The following DIP2A variants were observed in gnomAD, a reference collection of about 807,000 sequenced individuals.
DIP2A encodes the protein disco-interacting protein 2 homolog A.
A neutral mutation model predicts 177.4 loss-of-function variants in DIP2A; 85 were observed. That is an observed-to-expected ratio of 0.48 (90% CI 0.40 to 0.57). The LOEUF (loss-of-function observed/expected upper bound fraction) is 0.57. Among genes scored for constraint, DIP2A ranks in the 20% least tolerant of loss-of-function variants. The pLI is 0.00. For missense variants in DIP2A, 1,791 were observed against 2,100.2 expected, an observed-to-expected ratio of 0.85 and a Z score of 2.88; for synonymous variants, 886 against 881.8, an observed-to-expected ratio of 1.00 and a Z score of -0.08.
In DIP2A at chr21:46,498,881, G is replaced by C. The variant is rs376953348; in HGVS notation, c.655+48G>C. ...CCCTGTGCCAGCAGAGCGGGGTCAG[G>C]AGTGTCCAGGACAGAGGAGCAGATG... is the stretch of plus-strand genomic sequence containing the variant. On this transcript the variant is annotated intron_variant, in intron 5 of 37. Transcript: ENST00000417564. This position sits in a 1 kb window ranked among gnomAD's most constrained non-coding sequence, Gnocchi z 4.3. 2.1e-4 allele frequency: 321 copies of C among 1,553,316 alleles called. No individual in the cohort carries two copies. Among genetic ancestry groups the C allele is most frequent in the Middle Eastern group, 3.8e-4 (2 of 5,250 alleles).
intron 8 of DIP2A, 136 bp downstream of exon 8, chr21:46,511,750 A>ATT: frequency 1.1e-6 from 1 of 935,904 alleles, no homozygotes; most frequent in Middle Eastern, 3.4e-4. Context: ...ACATTGACCT[A>ATT]TACCAGGTAC....
Position 46,459,187 on chromosome 21 carries a change from A to G in DIP2A, c.56A>G (p.Glu19Gly), listed in dbSNP as rs1209851421. 1 of 1,525,070 alleles carries G rather than the reference A, an allele frequency of 6.6e-7. No individual in the cohort carries two copies. Among genetic ancestry groups the G allele is most frequent in the Admixed American group, 2.0e-5 (1 of 49,038 alleles). 94.5% of individuals were successfully genotyped at this position (1,525,070 alleles called of 1,614,324 possible). Residue 19 changes from glutamate (E) to glycine (G), a missense_variant, in exon 1 of 38, where the codon GAG (glutamate) becomes GGG (glycine). Physicochemically the swap from Glu to Gly is moderately conservative, Grantham distance 98. Transcript: ENST00000417564. Reference sequence around the variant, plus strand: ...GCGCCGCTGCCTGCCGAGGTGCGGGAGAGCCTGGCTGAGCTGGAGCTGGAG... The same window carrying G: ...GCGCCGCTGCCTGCCGAGGTGCGGGGGAGCCTGGCTGAGCTGGAGCTGGAG... Reference protein sequence around the residue: ...EAAPLPAEVRESLAELELELS... With the variant: ...EAAPLPAEVRGSLAELELELS...
At chr21:46,493,160 G>A (rs761059703) in intron 3 of DIP2A, among the ~76,000 whole-genome samples, 2 of 152,198 alleles carry the variant, frequency 1.3e-5, no homozygotes, top group Non-Finnish European at 2.9e-5. Flanking sequence ...TGGCAACTGA[G>A]CAGACTAAGA....
downstream of DIP2A, among the ~76,000 whole-genome samples, chr21:46,574,663 T>C (rs576454825): frequency 6.6e-6 from 1 of 152,152 alleles, no homozygotes; most frequent in African/African-American, 2.4e-5. Flanking sequence ...CATTAAAAAA[T>C]ACTATGCACA....
At chr21:46,506,383 A>C (rs926440018) in intron 6 of DIP2A, among the ~76,000 whole-genome samples, 1 of 152,158 alleles carries the variant, frequency 6.6e-6, no homozygotes, top group Non-Finnish European at 1.5e-5. Flanking sequence ...CACCTAAAGT[A>C]CTGGGATTAT....
rs915208858 is a variant in DIP2A, at chr21:46,567,710, C to T, written c.*88C>T. The T allele has an allele frequency of 1.4e-5, 21 of 1,470,856 alleles. No individual in the cohort carries two copies. The highest frequency in any genetic ancestry group is 4.6e-5 in the Admixed American group (2 of 43,784). 91.1% of individuals were successfully genotyped at this position (1,470,856 alleles called of 1,614,324 possible). A position where few individuals can be genotyped will look rare whatever the true frequency, so the allele number is the denominator to read the frequency against. ...GGAAGACACCGCAGAGCTCACTCAC[C>T]GGGACTCGCCCTTCCTGTGCTCTTA... is the stretch of plus-strand genomic sequence containing the variant. On this transcript the variant is annotated 3_prime_UTR_variant, in exon 38 of 38. Transcript: ENST00000417564.
intron 36 of DIP2A, 119 bp downstream of exon 36, chr21:46,566,006 T>TAG: frequency 8.3e-7 from 1 of 1,199,652 alleles, no homozygotes; most frequent in Non-Finnish European, 1.2e-6. Flanking sequence ...TTGCTCCTTG[T>TAG]GGGGGGAAGA....
intron 8 of DIP2A, among the ~76,000 whole-genome samples, chr21:46,524,506 T>C (rs1477533576): frequency 6.6e-6 from 1 of 152,144 alleles, no homozygotes; most frequent in Non-Finnish European, 1.5e-5. Flanking sequence ...CTCCTCAGTA[T>C]TGTCCCTTTG....
At position 46,557,214 on chromosome 21, in the gene DIP2A, G is replaced by A; in HGVS notation, c.3629+145G>A. 1 of 897,988 alleles carries A rather than the reference G, an allele frequency of 1.1e-6. No individual in the cohort carries two copies. Among genetic ancestry groups the A allele is most frequent in the Non-Finnish European group, 1.6e-6 (1 of 612,028 alleles). 55.6% of individuals were successfully genotyped at this position (897,988 alleles called of 1,614,324 possible). A position where few individuals can be genotyped will look rare whatever the true frequency, so the allele number is the denominator to read the frequency against. On this transcript the variant is annotated intron_variant, in intron 30 of 37. Transcript: ENST00000417564. The surrounding 1 kb of genome is among the most constrained non-coding windows in gnomAD (Gnocchi z 6.0). ...GGTTTGTTTGGGGATGAAGTGGGTT[G>A]GAGTCTGAGTCTGAAATTGAGTGAA...
intron 1 of DIP2A, among the ~76,000 whole-genome samples, chr21:46,466,852 A>G (rs1803013723): frequency 1.3e-5 from 2 of 152,300 alleles, no homozygotes; most frequent in South Asian, 2.1e-4. Flanking sequence ...ATGAGAATCC[A>G]TATTGTCTTC....
chr21:46,541,627 G>A (rs1310936088), intron 17 of DIP2A, 129 bp from the exon 18 acceptor site: 6 of 1,051,608 alleles, frequency 5.7e-6, no homozygotes, highest in African/African-American at 1.6e-5. Flanking sequence ...TTTAGAACAT[G>A]CGTTTCTCAC....
chr21:46,514,698 T>C (rs2058490532), intron 8 of DIP2A, among the ~76,000 whole-genome samples: 1 of 148,304 alleles, frequency 6.7e-6, no homozygotes, highest in Non-Finnish European at 1.5e-5. Context: ...TAGAACAATG[T>C]TGAAGAGTGG....
At chr21:46,460,827 G>C (rs2054229031) in intron 1 of DIP2A, among the ~76,000 whole-genome samples, 1 of 151,860 alleles carries the variant, frequency 6.6e-6, no homozygotes, top group African/African-American at 2.4e-5. Flanking sequence ...CCGAGTAGCT[G>C]GGATTACAGG....
intron 6 of DIP2A, among the ~76,000 whole-genome samples, chr21:46,507,979 C>G (rs1436123160): frequency 6.6e-6 from 1 of 151,844 alleles, no homozygotes; most frequent in Non-Finnish European, 1.5e-5. Flanking sequence ...CTCAAGTGAT[C>G]TGCCCACCTC....
In DIP2A at chr21:46,557,215, G is replaced by A; in HGVS notation, c.3629+146G>A. Reference sequence around the variant, plus strand: ...GTTTGTTTGGGGATGAAGTGGGTTGGAGTCTGAGTCTGAAATTGAGTGAAA... The same window carrying A: ...GTTTGTTTGGGGATGAAGTGGGTTGAAGTCTGAGTCTGAAATTGAGTGAAA... On this transcript the variant is annotated intron_variant, in intron 30 of 37. Coordinates refer to ENST00000417564, the MANE Select transcript of DIP2A (RefSeq NM_015151.4). The surrounding 1 kb of genome is among the most constrained non-coding windows in gnomAD (Gnocchi z 6.0). The A allele has an allele frequency of 2.3e-6, 2 of 862,774 alleles. No individual in the cohort carries two copies. The highest frequency in any genetic ancestry group is 2.9e-5 in the Admixed American group (1 of 34,210). The allele number at this position is 862,774 out of a possible 1,614,324, so 53.4% of individuals were successfully genotyped here.
chr21:46,461,254 A>G (rs1200851266), intron 1 of DIP2A, among the ~76,000 whole-genome samples: 1 of 123,958 alleles, frequency 8.1e-6, no homozygotes, highest in Non-Finnish European at 1.7e-5. Context: ...ACAGAGCGAG[A>G]ACCTGTCTCT....
Position 46,459,209 on chromosome 21 carries a change from G to T in DIP2A, c.78G>T (p.Leu26=). 6.6e-7 allele frequency: 1 copy of T among 1,525,076 alleles called. No individual in the cohort carries two copies. 94.5% of individuals were successfully genotyped at this position (1,525,076 alleles called of 1,614,324 possible). The stretch of plus-strand genomic sequence containing the variant: ...GGGAGAGCCTGGCTGAGCTGGAGCT[G>T]GAGCTGTCGGAAGGTGAGCCGGACC... The part of the protein sequence containing the change: ...EVRESLAELE[L]ELSEGDITQK... The change falls in exon 1 of 38, where the codon CTG becomes CTT. Residue 26 remains leucine, a synonymous_variant. Transcript: ENST00000417564.
chr21:46,460,013 C>A (rs1426573693), intron 1 of DIP2A, among the ~76,000 whole-genome samples: 1 of 152,166 alleles, frequency 6.6e-6, no homozygotes, highest in Non-Finnish European at 1.5e-5. Flanking sequence ...TCCCTTGGAG[C>A]TGGGAGCCCT....
chr21:46,538,534 A>AG lies in DIP2A; in HGVS notation c.1854dup (p.Arg619AlafsTer29), dbSNP rs1359132385. On this transcript the variant is annotated frameshift_variant, in exon 16 of 38. Transcript: ENST00000417564. LOFTEE classifies it high-confidence loss of function. ...GACATGCACTGGTCTCTCCTAGCTC[A>AG]GCGGGGCCAGAGGGACGTCAGCCTC... 1 of 1,562,050 alleles carries AG rather than the reference A, an allele frequency of 6.4e-7. No individual in the cohort carries two copies. The highest frequency in any genetic ancestry group is 1.9e-5 in the Admixed American group (1 of 53,168).
Sources: gnomAD v4.1 joint callset for allele counts (sites outside exome capture counted in the v4.1 genomes callset) on GRCh38, gnomAD v4.1.1 for gene constraint, Gnocchi (gnomAD v3.1) non-coding constraint, MANE v1.5 for transcripts, NCBI Gene and HGNC (gene_info 2026-07-23, HGNC 2026-07-21) for gene names.